The following BOC variants were observed in gnomAD, a reference collection of about 807,000 sequenced individuals.
The protein encoded by BOC is BOC cell adhesion associated, oncogene regulated.
In BOC, 76 loss-of-function variants were observed where a neutral mutation model predicts 112.0. That is an observed-to-expected ratio of 0.68 (90% CI 0.56 to 0.82). The LOEUF is 0.82. Among genes scored for constraint, BOC ranks in the 40% least tolerant of loss-of-function variants. BOC has a pLI of 0.00. For missense variants in BOC, 1,309 were observed against 1,511.7 expected (o/e 0.87, Z 2.22); for synonymous variants, 580 against 599.8 (o/e 0.97, Z 0.48).
At chr3:113,238,958 T>C (rs1487772285) in intron 2 of BOC, among the ~76,000 whole-genome samples, 2 of 152,220 alleles carry the variant, frequency 1.3e-5, no homozygotes, top group African/African-American at 2.4e-5. Flanking sequence ...GAGAAGACAG[T>C]GCCTGAGAGC....
chr3:113,270,954 G>A lies in BOC; in HGVS notation c.667+10G>A, dbSNP rs368402400. ...AGGCTACGTGTGCGCCGTAAGGCCCGGGCCCACCTGCTGGGGGATGGGGGA... is the reference window on the plus strand; with the variant it reads ...AGGCTACGTGTGCGCCGTAAGGCCCAGGCCCACCTGCTGGGGGATGGGGGA... On this transcript the variant is annotated intron_variant, in intron 6 of 19. Coordinates refer to ENST00000682979, the MANE Select transcript of BOC (RefSeq NM_001378074.1). 37 of 1,613,914 alleles carry A rather than the reference G, an allele frequency of 2.3e-5. No individual in the cohort carries two copies. Among genetic ancestry groups the A allele is most frequent in the African/African-American group, 1.9e-4 (14 of 74,940 alleles).
intron 2 of BOC, among the ~76,000 whole-genome samples, chr3:113,224,270 G>A (rs901480602): frequency 6.6e-6 from 1 of 152,108 alleles, no homozygotes; most frequent in African/African-American, 2.4e-5. Flanking sequence ...AATGATTGAG[G>A]GACCTGTTTT....
At chr3:113,226,839 C>T (rs1431953699) in intron 2 of BOC, among the ~76,000 whole-genome samples, 1 of 152,192 alleles carries the variant, frequency 6.6e-6, no homozygotes, top group Non-Finnish European at 1.5e-5. Flanking sequence ...AACAATAAGC[C>T]TTGCCTGACA....
At chr3:113,226,710 T>C (rs1440588485) in intron 2 of BOC, among the ~76,000 whole-genome samples, 2 of 152,206 alleles carry the variant, frequency 1.3e-5, no homozygotes, top group African/African-American at 4.8e-5. Context: ...TAGGGGGTGC[T>C]GACCTGTCTC....
In BOC at chr3:113,236,264, GTGTA is replaced by G. The variant is rs1489810539; in HGVS notation, c.-81-13456_-81-13453del. Among the ~76,000 whole-genome samples the G allele has an allele frequency of 2.5e-3, 64 of 25,510 alleles. 1 individual carries two copies. Among genetic ancestry groups the G allele is most frequent in the Middle Eastern group, 0.024 (1 of 42 alleles). The allele number at this position is 25,510 out of a possible 152,430, so 16.7% of individuals were successfully genotyped here. On this transcript the variant is annotated intron_variant, in intron 2 of 19. Transcript: ENST00000682979. ...TGTGTGTGTGTGTGTGTGTGTGTGT[GTGTA>G]TATATACCCATGGGTATATATATAT...
chr3:113,242,004 C>A (rs572801676), intron 2 of BOC, among the ~76,000 whole-genome samples: 1 of 150,946 alleles, frequency 6.6e-6, no homozygotes, highest in East Asian at 1.9e-4. Flanking sequence ...AGGGGAGAGG[C>A]GAGGAGGGAA....
chr3:113,257,212 C>T (rs1457920142), intron 4 of BOC, among the ~76,000 whole-genome samples: 1 of 152,194 alleles, frequency 6.6e-6, no homozygotes, highest in East Asian at 1.9e-4. Context: ...GAGATGTTTC[C>T]ACGCTGCCAG....
intron 2 of BOC, among the ~76,000 whole-genome samples, chr3:113,224,738 C>T (rs968939119): frequency 6.6e-6 from 1 of 152,124 alleles, no homozygotes; most frequent in Non-Finnish European, 1.5e-5. Flanking sequence ...GCAGGCAGAC[C>T]TCTTGAGGCC....
chr3:113,240,274 G>A (rs1301185897), intron 2 of BOC, among the ~76,000 whole-genome samples: 1 of 152,228 alleles, frequency 6.6e-6, no homozygotes, highest in African/African-American at 2.4e-5. Flanking sequence ...AACGAGCACA[G>A]TGTCTGCCTT....
At chr3:113,282,284 G>C (rs546997778) in intron 15 of BOC, among the ~76,000 whole-genome samples, 1 of 152,302 alleles carries the variant, frequency 6.6e-6, no homozygotes, top group African/African-American at 2.4e-5. Flanking sequence ...AATGGGCTGA[G>C]GGTTGAGAAC....
chr3:113,267,910 T>G (rs1947670024), intron 4 of BOC, among the ~76,000 whole-genome samples: 1 of 152,228 alleles, frequency 6.6e-6, no homozygotes. Flanking sequence ...TATCGTTCCC[T>G]TCCATCTCCA....
At chr3:113,276,698 C>G (rs1436747241) in intron 9 of BOC, among the ~76,000 whole-genome samples, 1 of 152,204 alleles carries the variant, frequency 6.6e-6, no homozygotes, top group Non-Finnish European at 1.5e-5. Flanking sequence ...TTTCCTGGTG[C>G]ATCTGCAGAC....
chr3:113,243,494 C>CT (rs1017172974), intron 2 of BOC, among the ~76,000 whole-genome samples: 1 of 152,168 alleles, frequency 6.6e-6, no homozygotes, highest in African/African-American at 2.4e-5. Context: ...TTTACCTACT[C>CT]TTTTTAACAT....
Position 113,284,391 on chromosome 3 carries a change from A to G in BOC, c.2713A>G (p.Thr905Ala). ...TGCCCTTCCACCCTCCTGCCCGTAT[A>G]CTATGGTGCCATTGGGAGGACTCCC... ...RSALPPSCPY[T>A]MVPLGGLPGH... The change falls in exon 17 of 20, where the codon ACT becomes GCT. Residue 905 changes from threonine to alanine, a missense_variant. Physicochemically the swap from Thr to Ala is moderately conservative, Grantham distance 58. Transcript: ENST00000682979. The G allele has an allele frequency of 6.2e-7, 1 of 1,614,194 alleles. No individual in the cohort carries two copies. Among genetic ancestry groups the G allele is most frequent in the South Asian group, 1.1e-5 (1 of 91,080 alleles).
intron 4 of BOC, among the ~76,000 whole-genome samples, chr3:113,252,951 A>C (rs1193703642): frequency 6.6e-6 from 1 of 152,166 alleles, no homozygotes; most frequent in Non-Finnish European, 1.5e-5. Flanking sequence ...CAGAGGGGTC[A>C]TCTCATCACG....
At chr3:113,244,365 A>G (rs1465603861) in intron 2 of BOC, among the ~76,000 whole-genome samples, 3 of 152,238 alleles carry the variant, frequency 2.0e-5, no homozygotes, top group African/African-American at 7.2e-5. Context: ...AGACTCATTC[A>G]CAAAATTTGG....
chr3:113,254,276 T>A (rs1387764878), intron 4 of BOC, among the ~76,000 whole-genome samples: 50 of 152,040 alleles, frequency 3.3e-4, no homozygotes, highest in Non-Finnish European at 7.4e-5. Context: ...AGGCAAAATG[T>A]TTGGGCCTGA....
At chr3:113,272,146 G>A in intron 6 of BOC, 2 of 556,918 alleles carry the variant, frequency 3.6e-6, no homozygotes, top group Non-Finnish European at 6.4e-6. Context: ...ACAGTTAACT[G>A]TGCATATGTT....
intron 2 of BOC, among the ~76,000 whole-genome samples, chr3:113,243,257 G>A (rs1347635123): frequency 6.6e-6 from 1 of 152,180 alleles, no homozygotes; most frequent in Non-Finnish European, 1.5e-5. Flanking sequence ...GAAAACAGCA[G>A]AGCTGACCCT....
Sources: gnomAD v4.1 joint callset for allele counts (sites outside exome capture counted in the v4.1 genomes callset) on GRCh38, gnomAD v4.1.1 for gene constraint, MANE v1.5 for transcripts, NCBI Gene and HGNC (gene_info 2026-07-23, HGNC 2026-07-21) for gene names.